The following MTM1 variants were observed in gnomAD, a reference collection of about 807,000 sequenced individuals.
The protein encoded by MTM1 is myotubularin.
A neutral mutation model predicts 52.1 loss-of-function variants in MTM1; 9 were observed. That is an observed-to-expected ratio of 0.17 (90% CI 0.10 to 0.30). The LOEUF (loss-of-function observed/expected upper bound fraction) is 0.30, where lower values mean the gene tolerates loss of function less well. Among genes scored for constraint, MTM1 ranks in the 10% least tolerant of loss-of-function variants. The pLI is 1.00. For synonymous variants in MTM1, 136 were observed against 163.8 expected (o/e 0.83, Z 1.29); for missense variants, 277 against 470.7 (o/e 0.59, Z 3.81).
intron 4 of MTM1, among the ~76,000 whole-genome samples, chrX:150,613,391 C>T (rs1265897190): frequency 9.0e-6 from 1 of 111,192 alleles, no homozygotes; most frequent in Non-Finnish European, 1.9e-5. Context: ...CTTACTTTTC[C>T]ATGTACCATA....
At chrX:150,651,416 C>G (rs1342856766) in intron 10 of MTM1, among the ~76,000 whole-genome samples, 2 of 108,595 alleles carry the variant, frequency 1.8e-5, no homozygotes, top group Non-Finnish European at 3.8e-5. Flanking sequence ...TAGCTTTTAC[C>G]TAATGTCCTT....
In MTM1 at chrX:150,671,437, C is replaced by G; in HGVS notation, c.1654C>G (p.Pro552Ala). The change falls in exon 15 of 15, where the codon CCA (proline) becomes GCA (alanine). Residue 552 changes from proline (P) to alanine (A), a missense_variant. Physicochemically the swap from Pro to Ala is conservative, Grantham distance 27. Coordinates refer to ENST00000370396, the MANE Select transcript of MTM1 (RefSeq NM_000252.3). ...NPRIKQQQPN[P>A]VEQRYMELLA... Reference sequence around the variant, plus strand: ...CTCTGGTTCTCTCCAGCAGCCGAATCCAGTGGAGCAGCGTTACATGGAGCT... The same window carrying G: ...CTCTGGTTCTCTCCAGCAGCCGAATGCAGTGGAGCAGCGTTACATGGAGCT... 8.3e-7 allele frequency: 1 copy of G among 1,211,337 alleles called. No homozygotes were observed. The highest frequency in any genetic ancestry group is 1.8e-5 in the South Asian group (1 of 56,972).
Position 150,586,913 on chromosome X carries a change from C to CAAA in MTM1, c.-10-5678_-10-5676dup, listed in dbSNP as rs10618246. ...TGAGCGACAGAGTGACACTCTGTCTCAAAAAAAAAAAAAAAAGCATAAAGC... is the reference window on the plus strand; with the variant it reads ...TGAGCGACAGAGTGACACTCTGTCTCAAAAAAAAAAAAAAAAAAAGCATAAAGC... On this transcript the variant is annotated intron_variant, in intron 1 of 14. Transcript: ENST00000370396. Among the ~76,000 whole-genome samples, 506 of 60,638 alleles carry CAAA rather than the reference C, an allele frequency of 8.3e-3. 3 individuals carry two copies. Among genetic ancestry groups the CAAA allele is most frequent in the Middle Eastern group, 0.025 (3 of 122 alleles). The allele number at this position is 60,638 out of a possible 115,157, so 52.7% of individuals were successfully genotyped here.
rs181289185 is a variant in MTM1, at chrX:150,592,467, C to T, written c.-10-138C>T. ...GTTCATCGTTTGTATGTCTTATTAC[C>T]ACTGGGGCCTAGTATGGAAATAGAA... On this transcript the variant is annotated intron_variant, in intron 1 of 14. Transcript: ENST00000370396. 2.6e-5 allele frequency: 13 copies of T among 496,173 alleles called. No homozygotes were observed. In the East Asian group the frequency reaches 4.4e-4, roughly 17 times the overall value. 40.9% of individuals were successfully genotyped at this position (496,173 alleles called of 1,213,427 possible). A position where few individuals can be genotyped will look rare whatever the true frequency, so the allele number is the denominator to read the frequency against.
At chrX:150,620,168 G>A (rs782349468) in intron 6 of MTM1, among the ~76,000 whole-genome samples, 80 of 112,044 alleles carry the variant, frequency 7.1e-4, no homozygotes, top group Non-Finnish European at 1.3e-3. Context: ...AGTTCAATTA[G>A]GAAATGTGTT....
At chrX:150,619,164 G>A (rs782794428) in intron 6 of MTM1, 25 bp downstream of exon 6, 32 of 1,096,095 alleles carry the variant, frequency 2.9e-5, no homozygotes, top group Non-Finnish European at 3.7e-5. Context: ...TCTCCTCAGC[G>A]TGGGAAGGTT....
intron 1 of MTM1, among the ~76,000 whole-genome samples, chrX:150,577,031 C>T (rs1163841071): frequency 1.8e-5 from 2 of 112,354 alleles, no homozygotes; most frequent in African/African-American, 6.5e-5. Flanking sequence ...TGTGAACACT[C>T]GTAGTTCTTT....
intron 13 of MTM1, among the ~76,000 whole-genome samples, chrX:150,662,935 G>A (rs1025140367): frequency 8.9e-6 from 1 of 111,817 alleles, no homozygotes; most frequent in Non-Finnish European, 1.9e-5. Context: ...TCAAAGATAT[G>A]GATGTTGACA....
chrX:150,633,905 T>G (rs1440512327), intron 6 of MTM1, among the ~76,000 whole-genome samples: 3 of 112,062 alleles, frequency 2.7e-5, no homozygotes, highest in Non-Finnish European at 5.6e-5. Context: ...CGTGGTGATG[T>G]GTGCCTGTAG....
intron 6 of MTM1, among the ~76,000 whole-genome samples, chrX:150,622,566 A>G (rs1557413324): frequency 8.9e-6 from 1 of 112,213 alleles, no homozygotes; most frequent in Admixed American, 9.5e-5. Context: ...AACATAAGAT[A>G]GTATACATTC....
upstream of MTM1, among the ~76,000 whole-genome samples, chrX:150,566,465 A>G (rs782533901): frequency 9.0e-6 from 1 of 111,542 alleles, no homozygotes; most frequent in African/African-American, 3.3e-5. Flanking sequence ...ACAGTTTTCA[A>G]AGTGCTTCCT....
At chrX:150,643,584 G>A (rs978926298) in intron 8 of MTM1, among the ~76,000 whole-genome samples, 1 of 111,640 alleles carries the variant, frequency 9.0e-6, no homozygotes, top group East Asian at 2.8e-4. Flanking sequence ...TATAATTTGT[G>A]TCTCAGTCTA....
At position 150,603,147 on chromosome X, in the gene MTM1, G is replaced by A. The variant is rs782327365; in HGVS notation, c.231+4461G>A. On this transcript the variant is annotated intron_variant, in intron 4 of 14. Coordinates refer to ENST00000370396, the MANE Select transcript of MTM1 (RefSeq NM_000252.3). ...GGAGCATATCAGGTAGAGAGTTACC[G>A]TGTCTATATGGTACTTTTCTGTATC... Among the ~76,000 whole-genome samples, 4 of 112,076 alleles carry A rather than the reference G, an allele frequency of 3.6e-5. No homozygotes were observed. The South Asian group carries it at 1.1e-3, about 31-fold the overall frequency.
At chrX:150,575,030 C>A (rs1385499483) in intron 1 of MTM1, among the ~76,000 whole-genome samples, 1 of 112,259 alleles carries the variant, frequency 8.9e-6, no homozygotes, top group African/African-American at 3.2e-5. Context: ...TTGCAGCCTC[C>A]GCTGCAACTT....
intron 1 of MTM1, among the ~76,000 whole-genome samples, chrX:150,592,265 C>A (rs1603118529): frequency 9.0e-6 from 1 of 111,627 alleles, no homozygotes; most frequent in Middle Eastern, 4.6e-3. Context: ...AGGCCTGTTG[C>A]ACAATTAATA....
At chrX:150,595,044 A>T (rs2038951522) in intron 2 of MTM1, among the ~76,000 whole-genome samples, 1 of 2,943 alleles carries the variant, frequency 3.4e-4, no homozygotes, top group African/African-American at 3.7e-4. Context: ...CTTGCCTCTG[A>T]ATGAAAAAAA....
intron 1 of MTM1, among the ~76,000 whole-genome samples, chrX:150,583,303 TTA>T (rs1238304176): frequency 0.055 from 3,104 of 56,143 alleles, 109 homozygotes; most frequent in Non-Finnish European, 0.077. Context: ...ATTATATATA[TTA>T]TATATAATTA....
chrX:150,654,239 G>T (rs1294278585), intron 10 of MTM1, among the ~76,000 whole-genome samples: 1 of 111,878 alleles, frequency 8.9e-6, no homozygotes, highest in African/African-American at 3.2e-5. Flanking sequence ...TAACATTTTT[G>T]AAAATAATTG....
At chrX:150,606,868 T>TCCTTCCCTC (rs1557412840) in intron 4 of MTM1, among the ~76,000 whole-genome samples, 1 of 67,475 alleles carries the variant, frequency 1.5e-5, no homozygotes, top group Non-Finnish European at 3.0e-5. Flanking sequence ...TCTCTTCCCT[T>TCCTTCCCTC]CCTTCCCTCC....
Sources: allele counts gnomAD v4.1 joint callset (sites outside exome capture counted in the v4.1 genomes callset), GRCh38; gene constraint gnomAD v4.1.1; transcripts MANE v1.5; gene names NCBI Gene and HGNC (gene_info 2026-07-23, HGNC 2026-07-21).